SLCO1C1: variants seen among roughly 807,000 people sequenced by gnomAD.
SLCO1C1 encodes OAT-RP-5.
In SLCO1C1, 70 loss-of-function variants were observed where a neutral mutation model predicts 76.4. The observed-to-expected ratio is 0.92, with a 90% CI of 0.76 to 1.12. The LOEUF is 1.12. Among genes scored for constraint, SLCO1C1 ranks in the 50% most tolerant of loss-of-function variants. The probability of loss-of-function intolerance (pLI) is 0.00; values close to 1 mark genes in which losing one functional copy is unlikely to be tolerated. For missense variants in SLCO1C1, 912 were observed against 823.8 expected (o/e 1.11, Z -1.31); for synonymous variants, 306 against 286.1 (o/e 1.07, Z -0.70).
chr12:20,733,636 C>A (rs1331438894), intron 10 of SLCO1C1, among the ~76,000 whole-genome samples: 2 of 152,186 alleles, frequency 1.3e-5, no homozygotes, highest in African/African-American at 4.8e-5. Context: ...TCTTTGCAAT[C>A]CTCCATAGTT....
At chr12:20,698,411 C>T (rs7960786) in intron 1 of SLCO1C1, among the ~76,000 whole-genome samples, 6,479 of 152,066 alleles carry the variant, frequency 0.043, 232 homozygotes, top group African/African-American at 0.091. Context: ...GAGGAATCCA[C>T]TTAATTTTTA....
At chr12:20,738,062 AGACAGGTCTCCTGTC>A (rs1372210421) in intron 11 of SLCO1C1, among the ~76,000 whole-genome samples, 1 of 151,940 alleles carries the variant, frequency 6.6e-6, no homozygotes, top group Non-Finnish European at 1.5e-5. Flanking sequence ...AGACAGGGAG[AGACAGGTCTCCTGTC>A]TCTTCTTATA....
intron 9 of SLCO1C1, 144 bp downstream of exon 9, chr12:20,723,398 A>G: frequency 5.0e-6 from 5 of 1,001,592 alleles, no homozygotes; most frequent in Non-Finnish European, 7.2e-6. Flanking sequence ...AGAATGTTGT[A>G]GCAAGAATTA....
chr12:20,711,335 T>C, intron 4 of SLCO1C1, 51 bp from the exon 5 acceptor site: 2 of 1,574,728 alleles, frequency 1.3e-6, no homozygotes, highest in Non-Finnish European at 1.7e-6. Flanking sequence ...CATAATATTC[T>C]TAGTATGATG....
intron 11 of SLCO1C1, among the ~76,000 whole-genome samples, chr12:20,738,746 G>A (rs1173640650): frequency 6.6e-6 from 1 of 152,084 alleles, no homozygotes; most frequent in Non-Finnish European, 1.5e-5. Flanking sequence ...AAAGATTGGT[G>A]TTAAAAGAAC....
intron 9 of SLCO1C1, among the ~76,000 whole-genome samples, chr12:20,726,602 TA>T (rs1948011315): frequency 6.6e-6 from 1 of 152,178 alleles, no homozygotes; most frequent in South Asian, 2.1e-4. Context: ...TTTTGCTTTT[TA>T]AAGTTTGTGG....
At position 20,753,368 on chromosome 12, in the gene SLCO1C1, G is replaced by C. The variant is rs1393888423; in HGVS notation, c.*840G>C. The C allele has an allele frequency of 6.6e-6, 1 of 152,302 alleles. No individual in the cohort carries two copies. Among genetic ancestry groups the C allele is most frequent in the Middle Eastern group, 3.4e-3 (1 of 294 alleles). The allele number at this position is 152,302 out of a possible 1,614,324, so 9.4% of individuals were successfully genotyped here. On this transcript the variant is annotated 3_prime_UTR_variant, in exon 15 of 15. Coordinates refer to ENST00000266509, the MANE Select transcript of SLCO1C1 (RefSeq NM_017435.5). ...GAATTTCTGAAAGTCTACAATAAAT[G>C]TAGGTGTTACAACAGGAATGGAGAG...
chr12:20,748,549 T>TCTAG (rs1592342316), intron 13 of SLCO1C1, among the ~76,000 whole-genome samples: 2 of 152,190 alleles, frequency 1.3e-5, no homozygotes, highest in East Asian at 1.9e-4. Context: ...ATATAATCCC[T>TCTAG]CATTCAAATT....
Position 20,737,237 on chromosome 12 carries a change from G to A in SLCO1C1, c.1513G>A (p.Gly505Ser), listed in dbSNP as rs373134127. The stretch of plus-strand genomic sequence containing the variant: ...CACATATGTATCAGCTTGTCTTGCT[G>A]GTTGTCAAACCTCCAACAGGAGTGG... ...GITYVSACLA[G>S]CQTSNRSGKN... is the part of the protein sequence containing the mutation. The change falls in exon 11 of 15, where the codon GGT (glycine) becomes AGT (serine). Residue 505 changes from glycine (G) to serine (S), a missense_variant. Coordinates refer to ENST00000266509, the MANE Select transcript of SLCO1C1 (RefSeq NM_017435.5). 1.3e-6 allele frequency: 2 copies of A among 1,566,534 alleles called. No individual in the cohort carries two copies. The highest frequency in any genetic ancestry group is 8.6e-7 in the Non-Finnish European group (1 of 1,163,598).
At chr12:20,736,166 AAAGC>A (rs1029775217) in intron 10 of SLCO1C1, among the ~76,000 whole-genome samples, 1 of 152,068 alleles carries the variant, frequency 6.6e-6, no homozygotes, top group Non-Finnish European at 1.5e-5. Context: ...AAAAAGGATA[AAAGC>A]AGAAGGATTA....
At chr12:20,706,290 G>C (rs1946773838) in intron 4 of SLCO1C1, among the ~76,000 whole-genome samples, 1 of 151,888 alleles carries the variant, frequency 6.6e-6, no homozygotes. Context: ...ACTGTATATT[G>C]ATATCAACAA....
chr12:20,736,078 G>A (rs1948522992), intron 10 of SLCO1C1, among the ~76,000 whole-genome samples: 1 of 152,044 alleles, frequency 6.6e-6, no homozygotes. Context: ...CCAATGAATG[G>A]CACATATGGT....
intron 11 of SLCO1C1, 115 bp from the exon 12 acceptor site, chr12:20,740,067 GAA>G: frequency 9.8e-7 from 1 of 1,023,768 alleles, no homozygotes; most frequent in African/African-American, 1.6e-5. Flanking sequence ...AAAAATAAAA[GAA>G]TATTTCCTCA....
At chr12:20,740,620 A>G (rs1372073461) in intron 12 of SLCO1C1, among the ~76,000 whole-genome samples, 1 of 151,576 alleles carries the variant, frequency 6.6e-6, no homozygotes, top group African/African-American at 2.4e-5. Context: ...CTACATCACT[A>G]GAGTTGCTTA....
intron 7 of SLCO1C1, among the ~76,000 whole-genome samples, chr12:20,720,997 C>CAAAAAAAAAAAAAAAAAAAAAAAAAAAAA (rs35297084): frequency 2.3e-5 from 1 of 44,018 alleles, no homozygotes; most frequent in Non-Finnish European, 4.1e-5. Context: ...AACTCCATCT[C>CAAAAAAAAAAAAAAAAAAAAAAAAAAAAA]AAAAAAAAAA....
chr12:20,727,366 AT>A (rs1336492061), intron 9 of SLCO1C1, among the ~76,000 whole-genome samples: 1 of 152,130 alleles, frequency 6.6e-6, no homozygotes, highest in African/African-American at 2.4e-5. Context: ...AACATCTGTT[AT>A]TTTTTGACAT....
chr12:20,731,926 T>C (rs915396900), intron 9 of SLCO1C1, among the ~76,000 whole-genome samples: 4 of 152,210 alleles, frequency 2.6e-5, no homozygotes, highest in Admixed American at 2.6e-4. Flanking sequence ...TTTAGTTACC[T>C]CAATAATGCT....
chr12:20,751,282 G>A (rs1018796391), intron 14 of SLCO1C1, among the ~76,000 whole-genome samples: 6 of 152,224 alleles, frequency 3.9e-5, no homozygotes, highest in African/African-American at 7.2e-5. Flanking sequence ...TGAAATGCAT[G>A]AAAGTAAAAG....
At chr12:20,737,860 T>A (rs530199694) in intron 11 of SLCO1C1, among the ~76,000 whole-genome samples, 1 of 152,162 alleles carries the variant, frequency 6.6e-6, no homozygotes, top group South Asian at 2.1e-4. Flanking sequence ...AGGAATCTAT[T>A]TTAGTCAGTC....
Sources: gnomAD v4.1 joint callset for allele counts (sites outside exome capture counted in the v4.1 genomes callset) on GRCh38, gnomAD v4.1.1 for gene constraint, MANE v1.5 for transcripts, NCBI Gene and HGNC (gene_info 2026-07-23, HGNC 2026-07-21) for gene names.